Variants in TTC28 observed in about 807,000 individuals in gnomAD.
TTC28 encodes tetratricopeptide repeat domain 28, also known as tetratricopeptide repeat protein 28.
In TTC28, 61 loss-of-function variants were observed where a neutral mutation model predicts 198.0. That is an observed-to-expected ratio of 0.31 (90% CI 0.25 to 0.38). TTC28 has a LOEUF of 0.38. Among genes scored for constraint, TTC28 ranks in the 10% least tolerant of loss-of-function variants. The pLI is 1.00. For synonymous variants in TTC28, 1,171 were observed against 1,297.8 expected (o/e 0.90, Z 2.10); for missense variants, 2,678 against 3,164.0 (o/e 0.85, Z 3.69).
Position 28,094,157 on chromosome 22 carries a change from T to C in TTC28, c.3855A>G (p.Pro1285=). 6.4e-7 allele frequency: 1 copy of C among 1,551,616 alleles called. No individual in the cohort carries two copies. The highest frequency in any genetic ancestry group is 1.2e-5 in the South Asian group (1 of 84,056). Residue 1285 remains proline, a synonymous_variant, in exon 12 of 23, where the codon CCA becomes CCG. Coordinates refer to ENST00000397906, the MANE Select transcript of TTC28 (RefSeq NM_001145418.2). ...GCTCCAGGGCTGAGCCGGTTGCTGT[T>C]GGAAGGGTTACACTGCTGCTGGCCT... ...DFQASSSVTL[P]TATGSALEQH... is the part of the protein sequence containing the mutation.
intron 14 of TTC28, among the ~76,000 whole-genome samples, chr22:28,006,361 T>TTC (rs1456459882): frequency 6.6e-6 from 1 of 152,244 alleles, no homozygotes; most frequent in Non-Finnish European, 1.5e-5. Context: ...TGGTGTGCAC[T>TTC]CCAGACATAT....
At chr22:28,570,628 C>G (rs919877172) in intron 2 of TTC28, among the ~76,000 whole-genome samples, 1 of 152,106 alleles carries the variant, frequency 6.6e-6, no homozygotes, top group African/African-American at 2.4e-5. Flanking sequence ...ATGAAATAAT[C>G]TGTAAACCAA....
intron 6 of TTC28, among the ~76,000 whole-genome samples, chr22:28,158,334 C>T (rs1420084597): frequency 6.6e-6 from 1 of 151,864 alleles, no homozygotes; most frequent in Non-Finnish European, 1.5e-5. Context: ...TCCATACTAC[C>T]CAAAGCAATC....
At chr22:28,671,751 T>C (rs189105849) in intron 1 of TTC28, among the ~76,000 whole-genome samples, 2 of 149,910 alleles carry the variant, frequency 1.3e-5, no homozygotes, top group East Asian at 2.0e-4. Flanking sequence ...TCTCAGCTCA[T>C]TGCAACCTCC....
At chr22:28,068,192 C>A (rs1265325201) in intron 12 of TTC28, among the ~76,000 whole-genome samples, 1 of 152,148 alleles carries the variant, frequency 6.6e-6, no homozygotes, top group Non-Finnish European at 1.5e-5. Context: ...ATGCTCGCCC[C>A]TTAAGAGAGA....
chr22:28,524,537 A>T (rs1343551956), intron 2 of TTC28, among the ~76,000 whole-genome samples: 1 of 151,858 alleles, frequency 6.6e-6, no homozygotes, highest in Non-Finnish European at 1.5e-5. Context: ...GCACTTTGGG[A>T]GGCTAAGGTG....
intron 5 of TTC28, among the ~76,000 whole-genome samples, chr22:28,261,878 C>A (rs1931346992): frequency 6.6e-6 from 1 of 152,116 alleles, no homozygotes; most frequent in Admixed American, 6.6e-5. Context: ...CACCTTTTAA[C>A]ATCTCACAGA....
intron 12 of TTC28, among the ~76,000 whole-genome samples, chr22:28,058,080 T>C (rs1444444481): frequency 1.3e-5 from 2 of 152,196 alleles, no homozygotes; most frequent in East Asian, 1.9e-4. Context: ...AGGTCAAATA[T>C]CAGAAATGCT....
At chr22:28,674,277 T>TC (rs929405519) in intron 1 of TTC28, among the ~76,000 whole-genome samples, 5 of 150,516 alleles carry the variant, frequency 3.3e-5, no homozygotes, top group African/African-American at 1.2e-4. Flanking sequence ...TTTTTTTTTT[T>TC]TTTTTTTTGG....
At chr22:28,274,028 G>C (rs969799840) in intron 5 of TTC28, among the ~76,000 whole-genome samples, 2 of 152,118 alleles carry the variant, frequency 1.3e-5, no homozygotes, top group Non-Finnish European at 2.9e-5. Flanking sequence ...ACATAACAAT[G>C]AGCAAAAGAA....
intron 12 of TTC28, among the ~76,000 whole-genome samples, chr22:28,090,728 A>C (rs1017719246): frequency 4.6e-5 from 7 of 152,196 alleles, no homozygotes; most frequent in Admixed American, 2.0e-4. Context: ...TATTTACTAA[A>C]TTTGTAGATG....
At chr22:28,048,368 G>A (rs1335849438) in intron 12 of TTC28, among the ~76,000 whole-genome samples, 1 of 152,092 alleles carries the variant, frequency 6.6e-6, no homozygotes, top group Non-Finnish European at 1.5e-5. Flanking sequence ...CTAATGCAGA[G>A]AGTCACAGAG....
At chr22:28,501,926 C>T (rs917771970) in intron 2 of TTC28, among the ~76,000 whole-genome samples, 1 of 151,944 alleles carries the variant, frequency 6.6e-6, no homozygotes, top group African/African-American at 2.4e-5. Flanking sequence ...TTTTTAAATG[C>T]CATTAAGTTT....
chr22:28,346,268 T>C (rs1026941839), intron 2 of TTC28, among the ~76,000 whole-genome samples: 5 of 152,248 alleles, frequency 3.3e-5, no homozygotes, highest in African/African-American at 7.2e-5. Flanking sequence ...TCATTCTTTA[T>C]ACCAGTTATC....
chr22:28,561,519 T>C (rs2049880304), intron 2 of TTC28, among the ~76,000 whole-genome samples: 1 of 152,216 alleles, frequency 6.6e-6, no homozygotes. Flanking sequence ...TGATCACTTC[T>C]AGATCCCCAG....
intron 2 of TTC28, among the ~76,000 whole-genome samples, chr22:28,318,316 T>C (rs1270035908): frequency 6.6e-6 from 1 of 151,924 alleles, no homozygotes; most frequent in Non-Finnish European, 1.5e-5. Flanking sequence ...ACCTTAAGAG[T>C]TCCCTTTTTT....
At chr22:28,434,509 C>T (rs2047488478) in intron 2 of TTC28, among the ~76,000 whole-genome samples, 1 of 152,000 alleles carries the variant, frequency 6.6e-6, no homozygotes, top group African/African-American at 2.4e-5. Context: ...CAAGGTGAAA[C>T]CCCATCTCTA....
intron 18 of TTC28, 58 bp from the exon 19 acceptor site, chr22:27,992,721 G>A: frequency 1.3e-6 from 2 of 1,499,080 alleles, no homozygotes; most frequent in Non-Finnish European, 1.8e-6. Flanking sequence ...CCAAAAGCCT[G>A]CCACCTTCCC....
At chr22:28,333,714 CA>C (rs995797042) in intron 2 of TTC28, among the ~76,000 whole-genome samples, 2 of 151,944 alleles carry the variant, frequency 1.3e-5, no homozygotes, top group African/African-American at 4.8e-5. Flanking sequence ...TTTTGCATAC[CA>C]AATTTTAAAA....
Sources: gnomAD v4.1 joint callset for allele counts (sites outside exome capture counted in the v4.1 genomes callset) on GRCh38, gnomAD v4.1.1 for gene constraint, MANE v1.5 for transcripts, NCBI Gene and HGNC (gene_info 2026-07-23, HGNC 2026-07-21) for gene names.